ZFAT: variants seen among roughly 807,000 people sequenced by gnomAD.
The protein encoded by ZFAT is zinc finger protein ZFAT.
A neutral mutation model predicts 117.7 loss-of-function variants in ZFAT; 64 were observed. The observed-to-expected ratio is 0.54, with a 90% CI of 0.44 to 0.67. The LOEUF (loss-of-function observed/expected upper bound fraction) is 0.67, where lower values mean the gene tolerates loss of function less well. Ranked by LOEUF, ZFAT falls within the 30% of genes least tolerant of loss-of-function variation. The pLI is 0.00. For synonymous variants in ZFAT, 679 were observed against 615.0 expected, an observed-to-expected ratio of 1.10 and a Z score of -1.54; for missense variants, 1,433 against 1,584.5, an observed-to-expected ratio of 0.90 and a Z score of 1.62.
chr8:134,503,131 C>T (rs976039083), intron 15 of ZFAT, among the ~76,000 whole-genome samples: 2 of 152,222 alleles, frequency 1.3e-5, no homozygotes, highest in African/African-American at 4.8e-5. Context: ...CCCATGGGGG[C>T]AGTGGCAACA....
chr8:134,760,282 A>AC, the ZFAT span, among the ~76,000 whole-genome samples: 17 of 120,814 alleles, frequency 1.4e-4, no homozygotes, highest in African/African-American at 4.5e-4. Flanking sequence ...AGAAAAAAAA[A>AC]AAAAAACAAA....
Position 134,684,372 on chromosome 8 carries a change from C to T in ZFAT, c.20-26635G>A, listed in dbSNP as rs116789763. ...ACTTACATGGGTGTTAGAAATAAAG[C>T]GATAGCAAGTGACAAAATAATAAGA... On this transcript the variant is annotated intron_variant, in intron 1 of 15. Coordinates refer to ENST00000377838, the MANE Select transcript of ZFAT (RefSeq NM_020863.4). Among the ~76,000 whole-genome samples the T allele has an allele frequency of 6.4e-3, 978 of 152,220 alleles. 10 individuals carry two copies. Among genetic ancestry groups the T allele is most frequent in the African/African-American group, 0.022 (894 of 41,514 alleles).
At chr8:134,669,571 T>C (rs910987603) in intron 1 of ZFAT, among the ~76,000 whole-genome samples, 5 of 152,122 alleles carry the variant, frequency 3.3e-5, no homozygotes, top group African/African-American at 4.8e-5. Flanking sequence ...TTGTCACCAC[T>C]AGGCCTGCCC....
the ZFAT span, among the ~76,000 whole-genome samples, chr8:134,737,169 A>G: frequency 6.6e-6 from 1 of 152,094 alleles, no homozygotes; most frequent in Non-Finnish European, 1.5e-5. Flanking sequence ...AATCCCAGCT[A>G]CCCAGGAGGC....
At chr8:134,596,909 G>C (rs1029763448) in intron 7 of ZFAT, among the ~76,000 whole-genome samples, 36 of 151,954 alleles carry the variant, frequency 2.4e-4, no homozygotes, top group African/African-American at 8.7e-4. Context: ...GGCAGCTGAT[G>C]GGTACCAGGT....
chr8:134,700,107 C>G (rs1833970362), intron 1 of ZFAT, among the ~76,000 whole-genome samples: 1 of 152,232 alleles, frequency 6.6e-6, no homozygotes, highest in Non-Finnish European at 1.5e-5. Flanking sequence ...AAAACACTTC[C>G]TGAGCACCAG....
intron 11 of ZFAT, among the ~76,000 whole-genome samples, chr8:134,561,698 G>A (rs546186683): frequency 6.6e-6 from 1 of 152,124 alleles, no homozygotes; most frequent in Non-Finnish European, 1.5e-5. Context: ...ATTTCATCTT[G>A]TAAGCCAATC....
At chr8:134,552,179 A>T (rs2130704127) in intron 11 of ZFAT, among the ~76,000 whole-genome samples, 1 of 150,644 alleles carries the variant, frequency 6.6e-6, no homozygotes, top group South Asian at 2.2e-4. Context: ...GGCAGACCAG[A>T]GGCCTGCCTT....
intron 2 of ZFAT, among the ~76,000 whole-genome samples, chr8:134,638,279 G>A (rs960035566): frequency 5.9e-5 from 9 of 152,054 alleles, no homozygotes; most frequent in African/African-American, 2.2e-4. Context: ...GTTTCCTAGC[G>A]ACCTAGTGAT....
At chr8:134,683,977 C>A (rs756754766) in intron 1 of ZFAT, among the ~76,000 whole-genome samples, 4 of 152,138 alleles carry the variant, frequency 2.6e-5, no homozygotes, top group Non-Finnish European at 5.9e-5. Context: ...CCAAACTAAG[C>A]AAATCTGCAG....
At chr8:134,749,800 C>A in the ZFAT span, among the ~76,000 whole-genome samples, 2 of 152,186 alleles carry the variant, frequency 1.3e-5, no homozygotes, top group Non-Finnish European at 2.9e-5. Context: ...AATCTAAGTT[C>A]TCTATTCTGT....
chr8:134,553,472 C>T (rs1823339644), intron 11 of ZFAT, among the ~76,000 whole-genome samples: 1 of 152,224 alleles, frequency 6.6e-6, no homozygotes, highest in Admixed American at 6.5e-5. Context: ...CACTGCACTA[C>T]AGCCTGGGCA....
At chr8:134,760,273 GAAAA>G in the ZFAT span, among the ~76,000 whole-genome samples, 1 of 128,758 alleles carries the variant, frequency 7.8e-6, no homozygotes, top group Non-Finnish European at 1.7e-5. Flanking sequence ...GTCTCAAAAA[GAAAA>G]AAAAAAAAAA....
rs1233584242 is a variant in ZFAT, at chr8:134,634,556, A to G, written c.448+2905T>C. Among the ~76,000 whole-genome samples the G allele has an allele frequency of 6.6e-5, 10 of 152,090 alleles. No individual in the cohort carries two copies. The East Asian group carries it at 1.5e-3, about 23-fold the overall frequency. ...TCTAGGAATTTATCCTACAAAAATC[A>G]TAACACAAGTCTACAAATATGTATA... On this transcript the variant is annotated intron_variant, in intron 3 of 15. Transcript: ENST00000377838.
Position 134,493,144 on chromosome 8 carries a change from G to A in ZFAT, c.3493-14423C>T, listed in dbSNP as rs1305731575. Among the ~76,000 whole-genome samples, 11 of 152,166 alleles carry A rather than the reference G, an allele frequency of 7.2e-5. 1 individual carries two copies. The highest frequency in any genetic ancestry group is 7.2e-4 in the Admixed American group (11 of 15,280). On this transcript the variant is annotated intron_variant, in intron 15 of 15. Transcript: ENST00000377838. ...ACAGTGCAAAGCCTAAGCTGTAAAG[G>A]CCACCTGCTAATGGCAGTCACCACC...
At chr8:134,670,451 A>C (rs201234685) in intron 1 of ZFAT, among the ~76,000 whole-genome samples, 2 of 152,320 alleles carry the variant, frequency 1.3e-5, no homozygotes, top group East Asian at 3.9e-4. Context: ...AAGAAACTCA[A>C]TCAAAATCGC....
At chr8:134,585,354 G>C (rs921421412) in intron 9 of ZFAT, among the ~76,000 whole-genome samples, 2 of 152,128 alleles carry the variant, frequency 1.3e-5, no homozygotes, top group Non-Finnish European at 2.9e-5. Flanking sequence ...ATACAAAGAG[G>C]GAACATGGTG....
intron 1 of ZFAT, among the ~76,000 whole-genome samples, chr8:134,677,211 A>G (rs1317521801): frequency 6.6e-6 from 1 of 152,176 alleles, no homozygotes; most frequent in African/African-American, 2.4e-5. Context: ...ACTAATAAAG[A>G]AGAAAAGAGA....
the ZFAT span, among the ~76,000 whole-genome samples, chr8:134,760,378 C>G: frequency 6.6e-6 from 1 of 151,840 alleles, no homozygotes. Context: ...AAGTCAGAAC[C>G]AGACCATTGA....
Sources: allele counts gnomAD v4.1 joint callset (sites outside exome capture counted in the v4.1 genomes callset), GRCh38; gene constraint gnomAD v4.1.1; transcripts MANE v1.5; gene names NCBI Gene and HGNC (gene_info 2026-07-23, HGNC 2026-07-21).